The following KIF21A variants were observed in gnomAD, a reference collection of about 807,000 sequenced individuals.
KIF21A encodes kinesin-like protein KIF21A.
In KIF21A, 114 loss-of-function variants were observed where a neutral mutation model predicts 202.9. The observed-to-expected ratio is 0.56, with a 90% CI of 0.48 to 0.66. The LOEUF (loss-of-function observed/expected upper bound fraction) is 0.66, where lower values mean the gene tolerates loss of function less well. Among genes scored for constraint, KIF21A ranks in the 30% least tolerant of loss-of-function variants. KIF21A has a pLI of 0.00. For missense variants in KIF21A, 1,677 were observed against 1,994.9 expected (o/e 0.84, Z 3.04); for synonymous variants, 667 against 670.8 (o/e 0.99, Z 0.09).
intron 11 of KIF21A, among the ~76,000 whole-genome samples, chr12:39,350,808 A>G (rs547431312): frequency 3.4e-4 from 51 of 152,188 alleles, no homozygotes; most frequent in African/African-American, 1.2e-3. Context: ...TAAACTTCCA[A>G]TGACTTTGAT....
intron 1 of KIF21A, among the ~76,000 whole-genome samples, chr12:39,426,774 C>T (rs957916854): frequency 1.4e-4 from 21 of 149,460 alleles, no homozygotes; most frequent in Non-Finnish European, 2.2e-4. Context: ...ATCCCAGCTA[C>T]TTGGGAGGCT....
chr12:39,331,811 TATG>T lies in KIF21A; in HGVS notation c.3052-23_3052-21del, dbSNP rs757478294. The T allele has an allele frequency of 4.6e-6, 7 of 1,529,890 alleles. No individual in the cohort carries two copies. The East Asian group carries it at 1.6e-4, about 34-fold the overall frequency. 94.8% of individuals were successfully genotyped at this position (1,529,890 alleles called of 1,614,324 possible). A position where few individuals can be genotyped will look rare whatever the true frequency, so the allele number is the denominator to read the frequency against. Reference sequence around the variant, plus strand: ...TTCTTCCTGTATAAAATCAGCATAATATGATGACCATTACTTTGAGCTGAAAAC... The same window carrying T: ...TTCTTCCTGTATAAAATCAGCATAATATGACCATTACTTTGAGCTGAAAAC... On this transcript the variant is annotated intron_variant, in intron 21 of 37. Transcript: ENST00000361418.
intron 1 of KIF21A, among the ~76,000 whole-genome samples, chr12:39,429,160 C>T (rs1041837567): frequency 6.6e-5 from 10 of 152,110 alleles, no homozygotes; most frequent in Non-Finnish European, 1.0e-4. Flanking sequence ...TGCCAAAGAG[C>T]TCACCTTGCC....
At chr12:39,418,870 C>A (rs987353697) in intron 1 of KIF21A, among the ~76,000 whole-genome samples, 1 of 152,176 alleles carries the variant, frequency 6.6e-6, no homozygotes, top group Non-Finnish European at 1.5e-5. Flanking sequence ...TTAACATTTT[C>A]TAAGCAACTA....
At position 39,315,020 on chromosome 12, in the gene KIF21A, C is replaced by G. The variant is rs1051736170; in HGVS notation, c.3959+209G>C. Among the ~76,000 whole-genome samples, 5 of 151,758 alleles carry G rather than the reference C, an allele frequency of 3.3e-5. No individual in the cohort carries two copies. In the East Asian group the frequency reaches 9.6e-4, roughly 29 times the overall value. On this transcript the variant is annotated intron_variant, in intron 31 of 37. Coordinates refer to ENST00000361418, the MANE Select transcript of KIF21A (RefSeq NM_001173464.2). The stretch of plus-strand genomic sequence containing the variant: ...CTTAATGATATTAGAAACATACAGC[C>G]ATGGTATTTCTCTATTTGAATTAAT...
chr12:39,390,769 C>A (rs1318207275), intron 1 of KIF21A, among the ~76,000 whole-genome samples: 3 of 152,030 alleles, frequency 2.0e-5, no homozygotes, highest in Admixed American at 6.6e-5. Context: ...CAATATATGT[C>A]ATTCAACAAG....
rs1411633971 is a variant in KIF21A at position 39,385,166 on chromosome 12, G to A, written c.45-14905C>T. Among the ~76,000 whole-genome samples, 10 of 152,144 alleles carry A rather than the reference G, an allele frequency of 6.6e-5. No homozygotes were observed. In the East Asian group the frequency reaches 1.9e-3, roughly 29 times the overall value. ...GTCACCTTGGGGTCTGTCTGCCATA[G>A]TCAAGACAGTTCTTTCTCAGGAACT... On this transcript the variant is annotated intron_variant, in intron 1 of 37. Transcript: ENST00000361418.
intron 1 of KIF21A, among the ~76,000 whole-genome samples, chr12:39,405,373 A>AT (rs1230421065): frequency 2.0e-5 from 3 of 152,114 alleles, no homozygotes; most frequent in South Asian, 4.2e-4. Context: ...GAGAGAATTT[A>AT]TTTTTTAAAT....
intron 1 of KIF21A, among the ~76,000 whole-genome samples, chr12:39,387,365 A>G (rs1304594990): frequency 6.6e-6 from 1 of 152,130 alleles, no homozygotes; most frequent in Non-Finnish European, 1.5e-5. Context: ...AACAACAGAC[A>G]ATAGAGAACC....
intron 1 of KIF21A, among the ~76,000 whole-genome samples, chr12:39,375,956 G>A (rs1035885705): frequency 1.3e-5 from 2 of 152,024 alleles, no homozygotes; most frequent in Admixed American, 1.3e-4. Flanking sequence ...AGCTATAAAA[G>A]TGTTGTTACA....
chr12:39,376,890 T>C (rs866125624), intron 1 of KIF21A, among the ~76,000 whole-genome samples: 1 of 152,192 alleles, frequency 6.6e-6, no homozygotes, highest in Non-Finnish European at 1.5e-5. Flanking sequence ...TCCCTACAGA[T>C]AGAAGAGGAA....
At chr12:39,408,807 CTTT>C (rs915196320) in intron 1 of KIF21A, among the ~76,000 whole-genome samples, 3 of 141,488 alleles carry the variant, frequency 2.1e-5, no homozygotes, top group African/African-American at 8.5e-5. Flanking sequence ...GTTGTGGGGG[CTTT>C]TGTTGGTTTT....
At position 39,442,810 on chromosome 12, in the gene KIF21A, G is replaced by C; in HGVS notation, c.44+117C>G. On this transcript the variant is annotated intron_variant, in intron 1 of 37. Transcript: ENST00000361418. The surrounding 1 kb of genome is among the most constrained non-coding windows in gnomAD (Gnocchi z 5.0). ...CTCAGTTTCCTCAGCCGCAGAACCC[G>C]GCCGGGACGCCCCTCAGGTCGCTCC... 3 of 1,297,114 alleles carry C rather than the reference G, an allele frequency of 2.3e-6. No individual in the cohort carries two copies. Among genetic ancestry groups the C allele is most frequent in the Non-Finnish European group, 3.2e-6 (3 of 945,766 alleles). 80.4% of individuals were successfully genotyped at this position (1,297,114 alleles called of 1,614,324 possible). A position where few individuals can be genotyped will look rare whatever the true frequency, so the allele number is the denominator to read the frequency against.
chr12:39,394,322 C>T (rs1036321815), intron 1 of KIF21A, among the ~76,000 whole-genome samples: 2 of 152,192 alleles, frequency 1.3e-5, no homozygotes, highest in East Asian at 3.8e-4. Flanking sequence ...TTAACCAAAT[C>T]TTTAAAGAAA....
At chr12:39,313,026 A>G (rs773866570) in intron 31 of KIF21A, among the ~76,000 whole-genome samples, 4 of 151,990 alleles carry the variant, frequency 2.6e-5, no homozygotes, top group African/African-American at 4.8e-5. Context: ...GAAAGAGAAT[A>G]ATCTTCGAGA....
intron 13 of KIF21A, 61 bp from the exon 14 acceptor site, chr12:39,341,683 T>C (rs1287906674): frequency 1.3e-6 from 2 of 1,522,702 alleles, no homozygotes; most frequent in Non-Finnish European, 1.8e-6. Context: ...GACTCCCTCA[T>C]TGAGAGAGGC....
intron 37 of KIF21A, among the ~76,000 whole-genome samples, chr12:39,300,261 C>T (rs959918464): frequency 1.3e-5 from 2 of 152,066 alleles, no homozygotes; most frequent in Non-Finnish European, 2.9e-5. Context: ...TGGGATATAT[C>T]CAGTAAATTT....
At chr12:39,346,376 A>G in intron 12 of KIF21A, 90 bp downstream of exon 12, 8 of 878,396 alleles carry the variant, frequency 9.1e-6, no homozygotes, top group Non-Finnish European at 1.2e-5. Flanking sequence ...CTAGTCTGAA[A>G]CAATCTATAA....
In KIF21A at chr12:39,304,890, G is replaced by A; in HGVS notation, c.4491C>T (p.Cys1497=). 6.2e-7 allele frequency: 1 copy of A among 1,608,420 alleles called. No homozygotes were observed. The highest frequency in any genetic ancestry group is 8.5e-7 in the Non-Finnish European group (1 of 1,175,492). Residue 1497 remains cysteine, a synonymous_variant, in exon 35 of 38, where the codon TGC becomes TGT. Coordinates refer to ENST00000361418, the MANE Select transcript of KIF21A (RefSeq NM_001173464.2). ...KLTGHLGPVM[C]LTVDQISSGQ... ...CACTGGAAATCTGATCCACAGTAAG[G>A]CACATAACAGGGCCTAGGTGTCCTG... is the stretch of plus-strand genomic sequence containing the variant.
Sources: allele counts gnomAD v4.1 joint callset (sites outside exome capture counted in the v4.1 genomes callset), GRCh38; gene constraint gnomAD v4.1.1; non-coding constraint Gnocchi (gnomAD v3.1); transcripts MANE v1.5; gene names NCBI Gene and HGNC (gene_info 2026-07-23, HGNC 2026-07-21).